ARHGEF10L: variants seen among roughly 807,000 people sequenced by gnomAD.
ARHGEF10L encodes the protein Rho guanine nucleotide exchange factor 10 like, also known as rho guanine nucleotide exchange factor 10-like protein.
Under a neutral mutation model 141.2 loss-of-function variants are expected in ARHGEF10L, and 69 were observed. That is an observed-to-expected ratio of 0.49 (90% CI 0.40 to 0.60). ARHGEF10L has a LOEUF of 0.60. Among genes scored for constraint, ARHGEF10L ranks in the 20% least tolerant of loss-of-function variants. The pLI is 0.00. For missense variants in ARHGEF10L, 1,482 were observed against 1,734.3 expected (o/e 0.85, Z 2.58); for synonymous variants, 711 against 718.5 (o/e 0.99, Z 0.17).
chr1:17,539,563 G>A (rs2076639530), upstream of ARHGEF10L, among the ~76,000 whole-genome samples: 1 of 151,906 alleles, frequency 6.6e-6, no homozygotes, highest in Non-Finnish European at 1.5e-5. This position sits in a 1 kb window ranked among gnomAD's most constrained non-coding sequence, Gnocchi z 6.0. Flanking sequence ...CTCGCAGCGG[G>A]TCGGGGGAGG....
chr1:17,562,180 T>C (rs2077568992), intron 1 of ARHGEF10L, among the ~76,000 whole-genome samples: 1 of 152,194 alleles, frequency 6.6e-6, no homozygotes, highest in Admixed American at 6.5e-5. Context: ...TTTGGGAGGC[T>C]GAAGTGGGTG....
In ARHGEF10L at chr1:17,643,685, G is replaced by A. The variant is rs551054371; in HGVS notation, c.2272+3383G>A. ...CTTGGATTTTCCACCAGAAAACGGG[G>A]AAAATGCCAGTGCCCCCTGCACAGG... On this transcript the variant is annotated intron_variant, in intron 21 of 28. Transcript: ENST00000361221. Among the ~76,000 whole-genome samples the A allele has an allele frequency of 1.8e-4, 28 of 152,256 alleles. No individual in the cohort carries two copies. The East Asian group carries it at 5.4e-3, about 29-fold the overall frequency.
chr1:17,529,420 T>C, the ARHGEF10L span, among the ~76,000 whole-genome samples: 2 of 152,196 alleles, frequency 1.3e-5, no homozygotes, highest in African/African-American at 4.8e-5. Context: ...GATGGTGACA[T>C]AGGGCAGACC....
At chr1:17,554,214 G>T (rs534400940) in intron 1 of ARHGEF10L, among the ~76,000 whole-genome samples, 1 of 152,298 alleles carries the variant, frequency 6.6e-6, no homozygotes, top group Admixed American at 6.5e-5. Flanking sequence ...AACACTAAAT[G>T]GGTGAGTCAC....
chr1:17,608,220 C>T (rs1194879505), intron 7 of ARHGEF10L, among the ~76,000 whole-genome samples: 1 of 152,224 alleles, frequency 6.6e-6, no homozygotes, highest in Non-Finnish European at 1.5e-5. Context: ...GTACCTGGCA[C>T]AGGTGCTCCC....
At chr1:17,527,130 C>T in the ARHGEF10L span, among the ~76,000 whole-genome samples, 4 of 152,128 alleles carry the variant, frequency 2.6e-5, no homozygotes, top group South Asian at 4.1e-4. Context: ...CTGGGACTAC[C>T]GACTTGTTTC....
intron 22 of ARHGEF10L, among the ~76,000 whole-genome samples, chr1:17,648,916 T>C (rs1464333166): frequency 6.6e-6 from 1 of 152,232 alleles, no homozygotes; most frequent in Non-Finnish European, 1.5e-5. Context: ...ATTCCATTAT[T>C]TTGAGATAAT....
intron 1 of ARHGEF10L, among the ~76,000 whole-genome samples, chr1:17,566,404 C>A (rs2077758279): frequency 6.6e-6 from 1 of 152,246 alleles, no homozygotes; most frequent in African/African-American, 2.4e-5. Flanking sequence ...AAAGCTGTAA[C>A]TATAAATCAA....
intron 2 of ARHGEF10L, among the ~76,000 whole-genome samples, chr1:17,583,202 TAA>T (rs59088704): frequency 9.8e-5 from 11 of 111,756 alleles, no homozygotes; most frequent in Admixed American, 9.7e-5. Context: ...GAGCTTCATT[TAA>T]AAAAAAAAAA....
chr1:17,688,503 C>T (rs1391894535), intron 27 of ARHGEF10L, among the ~76,000 whole-genome samples: 1 of 152,250 alleles, frequency 6.6e-6, no homozygotes, highest in Non-Finnish European at 1.5e-5. Flanking sequence ...GGCCCAGCTT[C>T]CCCCAGAGAG....
At chr1:17,694,460 G>C (rs1398545944) in intron 27 of ARHGEF10L, 1 of 176,980 alleles carries the variant, frequency 5.7e-6, no homozygotes, top group Non-Finnish European at 1.2e-5. Flanking sequence ...GCAGGGGCCT[G>C]CCCCCACGCC....
chr1:17,623,222 AACCAGTCTG>A lies in ARHGEF10L; in HGVS notation c.1200+51_1200+59del. The A allele has an allele frequency of 6.3e-7, 1 of 1,591,964 alleles. No homozygotes were observed. The highest frequency in any genetic ancestry group is 8.6e-7 in the Non-Finnish European group (1 of 1,167,780). On this transcript the variant is annotated intron_variant, in intron 12 of 28. Transcript: ENST00000361221. The surrounding 1 kb of genome is among the most constrained non-coding windows in gnomAD (Gnocchi z 4.7). Reference sequence around the variant, plus strand: ...CCCCAGCCCACCAAGGTAAAACCACAACCAGTCTGACCCCGGGGCCATGCAGTCCAGCCT... The same window carrying A: ...CCCCAGCCCACCAAGGTAAAACCACAACCCCGGGGCCATGCAGTCCAGCCT...
At chr1:17,681,333 T>C (rs1278837535) in intron 26 of ARHGEF10L, among the ~76,000 whole-genome samples, 1 of 152,212 alleles carries the variant, frequency 6.6e-6, no homozygotes, top group Non-Finnish European at 1.5e-5. Flanking sequence ...TATGCACTGA[T>C]GCTATCTAAA....
At chr1:17,666,264 G>A (rs1025379465) in intron 26 of ARHGEF10L, among the ~76,000 whole-genome samples, 1 of 152,208 alleles carries the variant, frequency 6.6e-6, no homozygotes, top group Non-Finnish European at 1.5e-5. Context: ...GGAGTGAGAT[G>A]ATGCTTGGAA....
Position 17,627,142 on chromosome 1 carries a change from G to C in ARHGEF10L, c.1411-188G>C, listed in dbSNP as rs1315355822. On this transcript the variant is annotated intron_variant, in intron 14 of 28. Transcript: ENST00000361221. This position sits in a 1 kb window ranked among gnomAD's most constrained non-coding sequence, Gnocchi z 4.0. Reference sequence around the variant, plus strand: ...TATTCCTAGAAAGATCCATGCTTTTGTTTTCTTTTTCATGCATTAGCTGTT... The same window carrying C: ...TATTCCTAGAAAGATCCATGCTTTTCTTTTCTTTTTCATGCATTAGCTGTT... Among the ~76,000 whole-genome samples, 1 of 152,226 alleles carries C rather than the reference G, an allele frequency of 6.6e-6. No individual in the cohort carries two copies. Among genetic ancestry groups the C allele is most frequent in the Non-Finnish European group, 1.5e-5 (1 of 68,036 alleles).
chr1:17,572,413 G>T (rs1215203322), intron 1 of ARHGEF10L, among the ~76,000 whole-genome samples: 1 of 152,156 alleles, frequency 6.6e-6, no homozygotes, highest in Non-Finnish European at 1.5e-5. Flanking sequence ...TCCCTCTGTT[G>T]TGCTTTAGGT....
chr1:17,596,184 G>A (rs1468486650), intron 4 of ARHGEF10L, among the ~76,000 whole-genome samples: 1 of 152,258 alleles, frequency 6.6e-6, no homozygotes, highest in African/African-American at 2.4e-5. Context: ...GCGCCCTGCT[G>A]ACTCTAGTGG....
At chr1:17,519,885 G>A in the ARHGEF10L span, among the ~76,000 whole-genome samples, 1 of 151,968 alleles carries the variant, frequency 6.6e-6, no homozygotes, top group African/African-American at 2.4e-5. Context: ...AGACAAGGCC[G>A]GTTGCATGAT....
chr1:17,677,962 A>G (rs771898751), intron 26 of ARHGEF10L, among the ~76,000 whole-genome samples: 4 of 152,138 alleles, frequency 2.6e-5, no homozygotes, highest in Non-Finnish European at 5.9e-5. Context: ...CTCTCTGACT[A>G]GAGGCTCGGT....
Sources: allele counts gnomAD v4.1 joint callset (sites outside exome capture counted in the v4.1 genomes callset), GRCh38; gene constraint gnomAD v4.1.1; non-coding constraint Gnocchi (gnomAD v3.1); transcripts MANE v1.5; gene names NCBI Gene and HGNC (gene_info 2026-07-23, HGNC 2026-07-21).